GOSR2: variants seen among roughly 807,000 people sequenced by gnomAD.
GOSR2 encodes the protein golgi SNAP receptor complex member 2.
In GOSR2, 20 loss-of-function variants were observed where a neutral mutation model predicts 27.9. The ratio of observed to expected loss-of-function variants is 0.72; its 90% confidence interval spans 0.50 to 1.04. The LOEUF (loss-of-function observed/expected upper bound fraction) is 1.04. Among genes scored for constraint, GOSR2 ranks in the 50% least tolerant of loss-of-function variants. GOSR2 has a pLI of 0.00. For missense variants in GOSR2, 261 were observed against 270.5 expected (o/e 0.97, Z 0.25); for synonymous variants, 91 against 98.8 (o/e 0.92, Z 0.47).
intron 4 of GOSR2, chr17:46,932,575 C>T (rs771366417): frequency 4.3e-5 from 20 of 465,780 alleles, no homozygotes; most frequent in Admixed American, 7.8e-5. Context: ...AAGCTGCCTG[C>T]GGGCAGTTGC....
intron 4 of GOSR2, among the ~76,000 whole-genome samples, chr17:46,934,140 G>A (rs368951706): frequency 2.0e-5 from 3 of 150,258 alleles, no homozygotes; most frequent in South Asian, 2.1e-4. Context: ...CAGGCCCTGC[G>A]CTCAGTACCC....
downstream of GOSR2, among the ~76,000 whole-genome samples, chr17:46,970,665 C>A (rs1447362510): frequency 6.6e-6 from 1 of 152,004 alleles, no homozygotes; most frequent in Non-Finnish European, 1.5e-5. Context: ...GGGGTGTGCA[C>A]TGGAGCCGCT....
chr17:46,953,045 TTTTTA>T (rs977825642), intron 6 of GOSR2, among the ~76,000 whole-genome samples: 1 of 152,042 alleles, frequency 6.6e-6, no homozygotes, highest in Non-Finnish European at 1.5e-5. Context: ...ATTTTTTATT[TTTTTA>T]TTTTATTATT....
In GOSR2 at chr17:46,935,391, C is replaced by A; in HGVS notation, c.477+222C>A. ...TGCTTGAAACAAACCATGAAGTGGC[C>A]TCTCTTAGGATCCAGGTCTTTTCCC... On this transcript the variant is annotated intron_variant, in intron 5 of 5. Coordinates refer to ENST00000640051, the MANE Select transcript of GOSR2 (RefSeq NM_004287.5). The A allele has an allele frequency of 2.1e-6, 3 of 1,438,668 alleles. No individual in the cohort carries two copies. The South Asian group carries it at 4.6e-5, about 22-fold the overall frequency. 89.1% of individuals were successfully genotyped at this position (1,438,668 alleles called of 1,614,324 possible).
At chr17:46,931,071 C>A (rs776720538) in intron 2 of GOSR2, 28 bp from the exon 3 acceptor site, 22 of 1,164,064 alleles carry the variant, frequency 1.9e-5, no homozygotes, top group Non-Finnish European at 1.3e-6. Context: ...TCTTTTCCAG[C>A]AATTATTCTT....
At chr17:46,935,338 G>A in intron 5 of GOSR2, 169 bp downstream of exon 5, 1 of 1,479,474 alleles carries the variant, frequency 6.8e-7, no homozygotes, top group Non-Finnish European at 8.9e-7. Context: ...GTTATTGTGA[G>A]CCTGAAAGTA....
chr17:46,954,375 G>A (rs991001096), intron 6 of GOSR2, among the ~76,000 whole-genome samples: 1 of 152,164 alleles, frequency 6.6e-6, no homozygotes, highest in Non-Finnish European at 1.5e-5. Context: ...TGAGGGCTCT[G>A]TTCTGTTCCA....
chr17:46,952,953 G>C (rs1356870758), intron 6 of GOSR2: 1 of 152,088 alleles, frequency 6.6e-6, no homozygotes, highest in Non-Finnish European at 1.5e-5. Flanking sequence ...CACATAAGAT[G>C]CTCGATGCAA....
At chr17:46,933,274 C>T (rs1031686293) in intron 4 of GOSR2, 23 of 152,234 alleles carry the variant, frequency 1.5e-4, no homozygotes, top group African/African-American at 5.5e-4. Context: ...GAAACTTCTT[C>T]CTGGTCATTC....
intron 4 of GOSR2, chr17:46,933,286 A>C (rs2087689372): frequency 6.6e-6 from 1 of 152,200 alleles, no homozygotes; most frequent in African/African-American, 2.4e-5. Flanking sequence ...TGGTCATTCT[A>C]CCATATGGAG....
intron 2 of GOSR2, chr17:46,930,263 G>A (rs1456077726): frequency 6.6e-6 from 1 of 152,140 alleles, no homozygotes; most frequent in Non-Finnish European, 1.5e-5. Context: ...GTTCACTGTG[G>A]GCACAAAGGG....
chr17:46,953,279 T>C (rs1354205160), intron 6 of GOSR2, among the ~76,000 whole-genome samples: 1 of 151,850 alleles, frequency 6.6e-6, no homozygotes, highest in Non-Finnish European at 1.5e-5. Context: ...TTCCCACCTA[T>C]GAGTGAGAAC....
At chr17:46,938,089 C>A in intron 5 of GOSR2, 1 of 199,498 alleles carries the variant, frequency 5.0e-6, no homozygotes, top group Non-Finnish European at 1.0e-5. Context: ...TCTCGAAATC[C>A]TGGCCTCAAG....
chr17:46,972,373 C>G (rs555534773), intron 6 of GOSR2, among the ~76,000 whole-genome samples: 70 of 152,334 alleles, frequency 4.6e-4, no homozygotes, highest in African/African-American at 1.5e-3. Context: ...GGAAGAAGTC[C>G]CTGCAAGGAG....
At chr17:46,932,046 C>A (rs1274064400) in intron 3 of GOSR2, 21 bp from the exon 4 acceptor site, 1 of 1,609,596 alleles carries the variant, frequency 6.2e-7, no homozygotes, top group South Asian at 1.1e-5. Context: ...GGAATTTAAT[C>A]TCTCTCTCCA....
In GOSR2 at chr17:46,941,349, T is replaced by C. The variant is rs886053087; in HGVS notation, c.*2589T>C. ...ACATCAGCTGAATAAAGTTGAGGTT[T>C]ATTTTATTTAGAAAATCACATTTTG... On this transcript the variant is annotated 3_prime_UTR_variant, in exon 6 of 6. Transcript: ENST00000640051. 1.0e-5 allele frequency: 10 copies of C among 984,214 alleles called. No homozygotes were observed. Among genetic ancestry groups the C allele is most frequent in the Non-Finnish European group, 1.2e-5 (10 of 828,920 alleles). 61.0% of individuals were successfully genotyped at this position (984,214 alleles called of 1,614,324 possible). A position where few individuals can be genotyped will look rare whatever the true frequency, so the allele number is the denominator to read the frequency against.
At chr17:46,964,099 G>T (rs2091212224) in intron 6 of GOSR2, 1 of 152,234 alleles carries the variant, frequency 6.6e-6, no homozygotes, top group African/African-American at 2.4e-5. Flanking sequence ...AAGTGTGGCT[G>T]AGTTGGTATG....
At chr17:46,945,829 T>A (rs994122038), downstream of GOSR2, among the ~76,000 whole-genome samples, 14 of 152,074 alleles carry the variant, frequency 9.2e-5, no homozygotes, top group Non-Finnish European at 1.9e-4. Context: ...CCTCACCAGG[T>A]GGTTGTGAAT....
intron 3 of GOSR2, chr17:46,931,760 A>G: frequency 2.2e-6 from 1 of 457,326 alleles, no homozygotes; most frequent in Non-Finnish European, 4.0e-6. Context: ...AATCCATAGA[A>G]GGTCAAGAAG....
Sources: allele counts gnomAD v4.1 joint callset (sites outside exome capture counted in the v4.1 genomes callset), GRCh38; gene constraint gnomAD v4.1.1; transcripts MANE v1.5; gene names NCBI Gene and HGNC (gene_info 2026-07-23, HGNC 2026-07-21).